The following SEMA3D variants were observed in gnomAD, a reference collection of about 807,000 sequenced individuals.
The protein encoded by SEMA3D is semaphorin-3D.
Under a neutral mutation model 100.1 loss-of-function variants are expected in SEMA3D, and 84 were observed. That is an observed-to-expected ratio of 0.84 (90% CI 0.70 to 1.01). The LOEUF is 1.01. Ranked by LOEUF, SEMA3D falls within the 50% of genes least tolerant of loss-of-function variation. The pLI is 0.00. For missense variants in SEMA3D, 875 were observed against 934.1 expected (o/e 0.94, Z 0.82); for synonymous variants, 312 against 320.7 (o/e 0.97, Z 0.29).
In SEMA3D at chr7:85,046,654, A is replaced by G. The variant is rs577036822; in HGVS notation, c.862-4369T>C. ...ATCCAGAAGCATGACCTGAGATGGC[A>G]AAGTTCAATTCACAAGGAGTTGTAT... is the stretch of plus-strand genomic sequence containing the variant. On this transcript the variant is annotated intron_variant, in intron 9 of 18. Transcript: ENST00000284136. Among the ~76,000 whole-genome samples the G allele has an allele frequency of 9.2e-5, 14 of 152,066 alleles. No homozygotes were observed. In the East Asian group the frequency reaches 2.3e-3, roughly 25 times the overall value.
intron 2 of SEMA3D, chr7:85,141,162 T>A: frequency 3.0e-6 from 3 of 984,622 alleles, no homozygotes; most frequent in Non-Finnish European, 3.6e-6. Context: ...TCTAAGCACA[T>A]TATAACTAGT....
At chr7:85,007,248 A>C (rs534656985) in intron 17 of SEMA3D, among the ~76,000 whole-genome samples, 96 of 151,928 alleles carry the variant, frequency 6.3e-4, no homozygotes, top group African/African-American at 2.3e-3. Flanking sequence ...GAGCTGAATA[A>C]ATCTTTTGCA....
the SEMA3D span, among the ~76,000 whole-genome samples, chr7:85,197,724 A>G: frequency 6.6e-6 from 1 of 152,176 alleles, no homozygotes; most frequent in Non-Finnish European, 1.5e-5. Flanking sequence ...TTGGCAGTAT[A>G]GATTAAAAAC....
Position 85,141,280 on chromosome 7 carries a change from C to T in SEMA3D, c.-41+12328G>A, listed in dbSNP as rs80060698. 3.0e-4 allele frequency: 295 copies of T among 984,458 alleles called. 2 individuals are homozygous for T. In the African/African-American group the frequency reaches 4.7e-3, roughly 16 times the overall value. 61.0% of individuals were successfully genotyped at this position (984,458 alleles called of 1,614,324 possible). ...AGTTCAAGTTATTCCTTTTAAAATG[C>T]TTTAACCTCTTCAGGAATTTTAACA... On this transcript the variant is annotated intron_variant, in intron 2 of 18. Coordinates refer to ENST00000284136, the MANE Select transcript of SEMA3D (RefSeq NM_001384900.1).
At chr7:85,075,553 C>T (rs1311123634) in intron 5 of SEMA3D, among the ~76,000 whole-genome samples, 1 of 152,012 alleles carries the variant, frequency 6.6e-6, no homozygotes, top group Non-Finnish European at 1.5e-5. Flanking sequence ...ACAAGGCATA[C>T]CTCAGATTAA....
At chr7:85,194,332 A>C in the SEMA3D span, among the ~76,000 whole-genome samples, 3 of 152,146 alleles carry the variant, frequency 2.0e-5, no homozygotes, top group African/African-American at 7.2e-5. Context: ...TGAAGTTAGC[A>C]CTAGGATTTT....
chr7:85,021,922 A>G (rs1360902491), intron 13 of SEMA3D, among the ~76,000 whole-genome samples: 1 of 151,850 alleles, frequency 6.6e-6, no homozygotes, highest in Admixed American at 6.6e-5. Context: ...ACAAAATTCA[A>G]GAAGAAAGAT....
rs554047375 is a variant in SEMA3D, at chr7:84,996,070, G to A, written c.*3370C>T. On this transcript the variant is annotated 3_prime_UTR_variant, in exon 19 of 19. Transcript: ENST00000284136. ...CTAAGAAAAATGTGACATTCTAAAG[G>A]GAGGCTATTTCAGTTTTGATTTCCA... 3.3e-5 allele frequency: 5 copies of A among 151,390 alleles called. No homozygotes were observed. The East Asian group carries it at 5.8e-4, about 18-fold the overall frequency. The allele number at this position is 151,390 out of a possible 1,614,324, so 9.4% of individuals were successfully genotyped here.
At chr7:85,117,391 A>C (rs1583939541) in intron 3 of SEMA3D, among the ~76,000 whole-genome samples, 1 of 152,344 alleles carries the variant, frequency 6.6e-6, no homozygotes, top group South Asian at 2.1e-4. Context: ...AATGAGTTTT[A>C]TGATGGCTTG....
At chr7:85,028,566 T>G (rs1790457060) in intron 12 of SEMA3D, 1 of 294,038 alleles carries the variant, frequency 3.4e-6, no homozygotes, top group African/African-American at 2.3e-5. Context: ...ACTGGTGAGT[T>G]ATAGTGCACA....
At chr7:85,225,212 CAT>C in the SEMA3D span, among the ~76,000 whole-genome samples, 12 of 142,180 alleles carry the variant, frequency 8.4e-5, no homozygotes, top group African/African-American at 2.1e-4. Flanking sequence ...ATATATTATA[CAT>C]ATATATATTA....
intron 1 of SEMA3D, among the ~76,000 whole-genome samples, chr7:85,171,745 A>G (rs1158563807): frequency 6.6e-6 from 1 of 152,062 alleles, no homozygotes; most frequent in Non-Finnish European, 1.5e-5. Context: ...CAAATTTATA[A>G]TACGTATTCA....
intron 3 of SEMA3D, among the ~76,000 whole-genome samples, chr7:85,110,580 C>T (rs1246925849): frequency 6.6e-6 from 1 of 151,874 alleles, no homozygotes; most frequent in Non-Finnish European, 1.5e-5. Flanking sequence ...GAACAAGATG[C>T]ATTTATTATG....
chr7:85,068,566 A>T (rs931780351), intron 6 of SEMA3D, among the ~76,000 whole-genome samples: 3 of 152,162 alleles, frequency 2.0e-5, no homozygotes, highest in Admixed American at 1.3e-4. Context: ...CTCCACAATT[A>T]TCAATATCGA....
chr7:85,147,100 T>C lies in SEMA3D; in HGVS notation c.-41+6508A>G, dbSNP rs916237875. 6.0e-4 allele frequency among the ~76,000 whole-genome samples: 69 copies of C among 115,772 alleles called. 1 individual carries two copies. The highest frequency in any genetic ancestry group is 1.9e-3 in the East Asian group (8 of 4,174). 76.0% of individuals were successfully genotyped at this position (115,772 alleles called of 152,430 possible). ...TCTTTTCTTTTTCTTTTCTTTTTTT[T>C]TTTTTTTTTTTTTTTTTTTGAGACG... On this transcript the variant is annotated intron_variant, in intron 2 of 18. Coordinates refer to ENST00000284136, the MANE Select transcript of SEMA3D (RefSeq NM_001384900.1).
intron 2 of SEMA3D, among the ~76,000 whole-genome samples, chr7:85,129,400 A>T (rs1296486161): frequency 6.6e-6 from 1 of 152,082 alleles, no homozygotes; most frequent in Non-Finnish European, 1.5e-5. Context: ...TAATTTTCTA[A>T]TTAAAAATAT....
chr7:85,055,678 A>C (rs1230365753), intron 9 of SEMA3D, 39 bp downstream of exon 9: 2 of 228,282 alleles, frequency 8.8e-6, no homozygotes, highest in African/African-American at 3.3e-5. Flanking sequence ...ATATATATAT[A>C]TATATATGTT....
chr7:85,043,724 C>T (rs983894921), intron 9 of SEMA3D, among the ~76,000 whole-genome samples: 21 of 152,158 alleles, frequency 1.4e-4, no homozygotes, highest in South Asian at 8.3e-4. Flanking sequence ...ATGGGTCTCA[C>T]GAGATCTGAT....
chr7:85,207,673 A>G, the SEMA3D span, among the ~76,000 whole-genome samples: 1 of 152,058 alleles, frequency 6.6e-6, no homozygotes, highest in East Asian at 1.9e-4. Context: ...AATTTTTTCC[A>G]TCGTGATTTT....
Sources: allele counts gnomAD v4.1 joint callset (sites outside exome capture counted in the v4.1 genomes callset), GRCh38; gene constraint gnomAD v4.1.1; transcripts MANE v1.5; gene names NCBI Gene and HGNC (gene_info 2026-07-23, HGNC 2026-07-21).